Variants in BORCS5 observed in about 807,000 individuals in gnomAD.
BORCS5 encodes BLOC-1 related complex subunit 5, also known as BLOC-1-related complex subunit 5.
In BORCS5, 17 loss-of-function variants were observed where a neutral mutation model predicts 22.1. The observed-to-expected ratio is 0.77, with a 90% CI of 0.53 to 1.15. The LOEUF (loss-of-function observed/expected upper bound fraction) is 1.15, where lower values mean the gene tolerates loss of function less well. BORCS5 is among the 50% of genes most tolerant of loss of function. BORCS5 has a pLI of 0.00. For synonymous variants in BORCS5, 117 were observed against 99.8 expected (o/e 1.17, Z -1.03); for missense variants, 247 against 253.2 (o/e 0.98, Z 0.17).
chr12:12,406,474 A>C (rs1221438540), intron 2 of BORCS5, among the ~76,000 whole-genome samples: 1 of 152,248 alleles, frequency 6.6e-6, no homozygotes, highest in South Asian at 2.1e-4. Context: ...TAAGGAACCC[A>C]TGATGAGTTA....
At chr12:12,423,699 T>TGTTTGTTG (rs1254490569) in intron 2 of BORCS5, among the ~76,000 whole-genome samples, 1 of 151,836 alleles carries the variant, frequency 6.6e-6, no homozygotes, top group Non-Finnish European at 1.5e-5. Flanking sequence ...TCTTTTTGTT[T>TGTTTGTTG]GTTTTTTGAG....
In BORCS5 at chr12:12,357,130, C is replaced by T; in HGVS notation, c.-322C>T. 2 of 1,533,694 alleles carry T rather than the reference C, an allele frequency of 1.3e-6. No homozygotes were observed. Among genetic ancestry groups the T allele is most frequent in the Non-Finnish European group, 1.7e-6 (2 of 1,145,902 alleles). ...CGGAGCGTGAACCAGTGAGTGAAAG[C>T]GGCGCCGCCCGCCGGCCGCAGGTGC... On this transcript the variant is annotated 5_prime_UTR_variant, in exon 1 of 4. Coordinates refer to ENST00000314565, the MANE Select transcript of BORCS5 (RefSeq NM_058169.6).
chr12:12,428,741 G>A lies in BORCS5; in HGVS notation c.203-6887G>A, dbSNP rs556826528. On this transcript the variant is annotated intron_variant, in intron 2 of 3. Transcript: ENST00000314565. ...GTCATGATGTTATGGTGTTTTTAAC[G>A]GCTCAGCAAAAGAAAAAAAATTATA... 1.1e-4 allele frequency among the ~76,000 whole-genome samples: 16 copies of A among 151,128 alleles called. No homozygotes were observed. The South Asian group carries it at 1.7e-3, about 16-fold the overall frequency.
Position 12,469,135 on chromosome 12 carries a change from C to A in BORCS5, c.*3359C>A, listed in dbSNP as rs1030457319. The A allele has an allele frequency of 6.6e-6, 1 of 152,122 alleles. No homozygotes were observed. Among genetic ancestry groups the A allele is most frequent in the African/African-American group, 2.4e-5 (1 of 41,412 alleles). 9.4% of individuals were successfully genotyped at this position (152,122 alleles called of 1,614,324 possible). A position where few individuals can be genotyped will look rare whatever the true frequency, so the allele number is the denominator to read the frequency against. On this transcript the variant is annotated 3_prime_UTR_variant, in exon 4 of 4. Transcript: ENST00000314565. ...TGGGAGGCCGAGACGAGTGGATCAC[C>A]TGAGGTCAGGAGTTCCAGACCAGCC...
intron 2 of BORCS5, among the ~76,000 whole-genome samples, chr12:12,392,413 A>G (rs189201737): frequency 6.6e-6 from 1 of 152,260 alleles, no homozygotes; most frequent in Non-Finnish European, 1.5e-5. Context: ...TCCAAGTTAC[A>G]AAGAATCATT....
At chr12:12,425,537 C>A (rs1047498691) in intron 2 of BORCS5, among the ~76,000 whole-genome samples, 11 of 152,308 alleles carry the variant, frequency 7.2e-5, no homozygotes, top group African/African-American at 2.6e-4. Flanking sequence ...TGGATAATAG[C>A]CATCCTAATG....
intron 3 of BORCS5, chr12:12,452,501 C>G: frequency 8.9e-6 from 4 of 446,944 alleles, no homozygotes; most frequent in South Asian, 6.8e-5. Context: ...TCGGGCCCAC[C>G]GGGTAGGCAC....
chr12:12,418,038 T>G (rs998825400), intron 2 of BORCS5, among the ~76,000 whole-genome samples: 10 of 130,512 alleles, frequency 7.7e-5, no homozygotes, highest in Non-Finnish European at 1.5e-4. Context: ...ATTTATTTAT[T>G]TTTGAGACGG....
At chr12:12,405,556 C>T (rs1209701501) in intron 2 of BORCS5, among the ~76,000 whole-genome samples, 1 of 152,178 alleles carries the variant, frequency 6.6e-6, no homozygotes, top group South Asian at 2.1e-4. Context: ...CTTTTAATGT[C>T]ATCCTGACAA....
Position 12,447,690 on chromosome 12 carries a change from G to A in BORCS5, c.360+11905G>A, listed in dbSNP as rs146956805. Among the ~76,000 whole-genome samples, 505 of 152,318 alleles carry A rather than the reference G, an allele frequency of 3.3e-3. 3 individuals are homozygous for A. The highest frequency in any genetic ancestry group is 4.5e-3 in the Non-Finnish European group (307 of 68,034). On this transcript the variant is annotated intron_variant, in intron 3 of 3. Transcript: ENST00000314565. ...GCACCACTGCTAAGCTCTGTTCTCT[G>A]AGTCAAAAAGGGGTTGTGTTCACAC...
intron 1 of BORCS5, among the ~76,000 whole-genome samples, 200 bp downstream of exon 1, chr12:12,357,709 A>T (rs1863176900): frequency 6.6e-6 from 1 of 152,032 alleles, no homozygotes; most frequent in South Asian, 2.1e-4. Flanking sequence ...AAGCTAAGCC[A>T]GCGTGGGCGC....
At chr12:12,359,923 T>A (rs1449333208) in intron 1 of BORCS5, among the ~76,000 whole-genome samples, 1 of 152,124 alleles carries the variant, frequency 6.6e-6, no homozygotes, top group Non-Finnish European at 1.5e-5. Context: ...TTTGTACCCT[T>A]TATTTCTCAT....
rs1390729947 is a variant in BORCS5, at chr12:12,470,869, AG to A, written c.*5096del. Among the ~76,000 whole-genome samples, 1 of 152,104 alleles carries A rather than the reference AG, an allele frequency of 6.6e-6. No homozygotes were observed. The highest frequency in any genetic ancestry group is 1.9e-4 in the East Asian group (1 of 5,198). The stretch of plus-strand genomic sequence containing the variant: ...GTGTCCATGCCTCCGGGATTTTTCC[AG>A]GGTTATCAATGTCAGTGTAAGATCT... On this transcript the variant is annotated 3_prime_UTR_variant, in exon 4 of 4. Coordinates refer to ENST00000314565, the MANE Select transcript of BORCS5 (RefSeq NM_058169.6).
At chr12:12,416,779 C>CTT (rs36106735) in intron 2 of BORCS5, among the ~76,000 whole-genome samples, 3,110 of 112,184 alleles carry the variant, frequency 0.028, 116 homozygotes, top group African/African-American at 0.038. Context: ...TTAATGTAAA[C>CTT]TTTTTTTTTT....
At chr12:12,359,607 C>T (rs1039166463) in intron 1 of BORCS5, among the ~76,000 whole-genome samples, 6 of 151,366 alleles carry the variant, frequency 4.0e-5, no homozygotes, top group Admixed American at 1.3e-4. Context: ...AGTGATCCAC[C>T]TGGCTTGGCC....
intron 2 of BORCS5, among the ~76,000 whole-genome samples, chr12:12,421,586 C>G (rs1007166212): frequency 1.3e-5 from 2 of 152,268 alleles, no homozygotes; most frequent in South Asian, 4.1e-4. Context: ...AGGGAGGATT[C>G]CCTCTTTTTC....
chr12:12,388,761 T>C (rs1177260072), intron 2 of BORCS5, among the ~76,000 whole-genome samples: 1 of 151,228 alleles, frequency 6.6e-6, no homozygotes, highest in Non-Finnish European at 1.5e-5. Context: ...ATCTTTCTGC[T>C]GTTCTTCTCC....
At position 12,415,658 on chromosome 12, in the gene BORCS5, T is replaced by C. The variant is rs545737934; in HGVS notation, c.203-19970T>C. On this transcript the variant is annotated intron_variant, in intron 2 of 3. Coordinates refer to ENST00000314565, the MANE Select transcript of BORCS5 (RefSeq NM_058169.6). ...TTGATTTTCGTGTGTTGAATCATCC[T>C]TGTGTTCCAGGAATAAATCTCACTT... Among the ~76,000 whole-genome samples the C allele has an allele frequency of 2.6e-5, 4 of 151,862 alleles. No homozygotes were observed. In the East Asian group the frequency reaches 7.8e-4, roughly 30 times the overall value.
rs573662938 is a variant in BORCS5 at position 12,466,814 on chromosome 12, C to T, written c.*1038C>T. On this transcript the variant is annotated 3_prime_UTR_variant, in exon 4 of 4. Coordinates refer to ENST00000314565, the MANE Select transcript of BORCS5 (RefSeq NM_058169.6). ...GGCATGCAGGCCTGTACCCTGTTCC[C>T]TAAGTTCCTGCAAGCGTCGGGAGGT... 1.4e-4 allele frequency: 21 copies of T among 152,332 alleles called. No individual in the cohort carries two copies. The highest frequency in any genetic ancestry group is 3.4e-3 in the Middle Eastern group (1 of 294). The allele number at this position is 152,332 out of a possible 1,614,324, so 9.4% of individuals were successfully genotyped here. A position where few individuals can be genotyped will look rare whatever the true frequency, so the allele number is the denominator to read the frequency against.
Sources: gnomAD v4.1 joint callset for allele counts (sites outside exome capture counted in the v4.1 genomes callset) on GRCh38, gnomAD v4.1.1 for gene constraint, MANE v1.5 for transcripts, NCBI Gene and HGNC (gene_info 2026-07-23, HGNC 2026-07-21) for gene names.